Variants in PDE3A observed in about 807,000 individuals in gnomAD.
PDE3A encodes the protein phosphodiesterase 3A, also known as cGMP-inhibited 3',5'-cyclic phosphodiesterase 3A.
Under a neutral mutation model 98.3 loss-of-function variants are expected in PDE3A, and 43 were observed. That is an observed-to-expected ratio of 0.44 (90% CI 0.34 to 0.56). The LOEUF (loss-of-function observed/expected upper bound fraction) is 0.56, where lower values mean the gene tolerates loss of function less well. PDE3A is among the 20% of genes least tolerant of loss of function. The pLI is 0.01. For synonymous variants in PDE3A, 663 were observed against 567.9 expected (o/e 1.17, Z -2.38); for missense variants, 1,427 against 1,440.7 (o/e 0.99, Z 0.15).
At chr12:20,473,246 G>A (rs1185709668) in intron 1 of PDE3A, among the ~76,000 whole-genome samples, 1 of 152,160 alleles carries the variant, frequency 6.6e-6, no homozygotes, top group Non-Finnish European at 1.5e-5. Context: ...CACTGAAAGA[G>A]ACATGTATCT....
chr12:20,377,464 C>G (rs2120524692), intron 1 of PDE3A, among the ~76,000 whole-genome samples: 1 of 151,792 alleles, frequency 6.6e-6, no homozygotes, highest in South Asian at 2.1e-4. Context: ...TTCAGTTTGG[C>G]CTAGCCCCAT....
At chr12:20,631,715 T>G (rs942412572) in intron 6 of PDE3A, among the ~76,000 whole-genome samples, 37 of 151,770 alleles carry the variant, frequency 2.4e-4, no homozygotes, top group East Asian at 1.5e-3. Flanking sequence ...TTTTTTTTTT[T>G]TGTATTCTTA....
chr12:20,621,234 C>T (rs940675211), intron 4 of PDE3A, 62 bp from the exon 5 acceptor site: 76 of 914,440 alleles, frequency 8.3e-5, no homozygotes, highest in Middle Eastern at 2.1e-4. Flanking sequence ...GCAAGACTGG[C>T]CCAATAACTG....
chr12:20,640,634 T>C (rs1318685342), intron 10 of PDE3A, among the ~76,000 whole-genome samples: 2 of 152,158 alleles, frequency 1.3e-5, no homozygotes, highest in Non-Finnish European at 2.9e-5. Flanking sequence ...AAGTTTCCCA[T>C]TTATAACAAC....
rs1250952820 is a variant in PDE3A at position 20,616,351 on chromosome 12, C to A, written c.1391C>A (p.Thr464Asn). The A allele has an allele frequency of 1.2e-6, 2 of 1,613,550 alleles. No individual in the cohort carries two copies. Among genetic ancestry groups the A allele is most frequent in the South Asian group, 1.1e-5 (1 of 91,016 alleles). The change falls in exon 4 of 16, where the codon ACC (threonine) becomes AAC (asparagine). Residue 464 changes from threonine to asparagine, a missense_variant. Physicochemically the swap from Thr to Asn is moderately conservative, Grantham distance 65. Coordinates refer to ENST00000359062, the MANE Select transcript of PDE3A (RefSeq NM_000921.5). ...EPAPVRRDRS[T>N]SIKLQEAPSS... The stretch of plus-strand genomic sequence containing the variant: ...GCACCAGTACGGAGAGACCGCAGCA[C>A]CAGCATCAAACTGCAGGAAGCACCT...
chr12:20,559,045 G>A (rs1214807125), intron 2 of PDE3A, among the ~76,000 whole-genome samples: 1 of 152,086 alleles, frequency 6.6e-6, no homozygotes, highest in Non-Finnish European at 1.5e-5. Context: ...TCACATATAA[G>A]GCAATCTGAT....
intron 1 of PDE3A, among the ~76,000 whole-genome samples, chr12:20,437,584 G>A (rs570356733): frequency 6.6e-6 from 1 of 152,214 alleles, no homozygotes; most frequent in South Asian, 2.1e-4. Context: ...GTCACATGGC[G>A]AGAAAGGGAG....
intron 1 of PDE3A, among the ~76,000 whole-genome samples, chr12:20,504,126 T>C (rs1362110599): frequency 6.6e-6 from 1 of 152,162 alleles, no homozygotes; most frequent in Non-Finnish European, 1.5e-5. Context: ...ATTATAGTTT[T>C]CTCATTTGTA....
intron 12 of PDE3A, among the ~76,000 whole-genome samples, chr12:20,647,970 G>A (rs1183508107): frequency 1.3e-5 from 2 of 151,194 alleles, no homozygotes; most frequent in East Asian, 1.9e-4. Flanking sequence ...TTCTCCATAG[G>A]CTATCTTGCA....
intron 15 of PDE3A, among the ~76,000 whole-genome samples, chr12:20,677,661 A>G (rs958476551): frequency 4.6e-5 from 7 of 152,006 alleles, no homozygotes; most frequent in Admixed American, 6.5e-5. Flanking sequence ...GGGTTTTACC[A>G]TGTTAGCCAG....
intron 15 of PDE3A, among the ~76,000 whole-genome samples, chr12:20,671,672 A>T (rs1320815641): frequency 1.3e-5 from 2 of 149,684 alleles, no homozygotes. Context: ...AAAACTCTCA[A>T]TAAATTAGGT....
rs1247896033 is a variant in PDE3A at position 20,673,358 on chromosome 12, C to T, written c.3185-6672C>T. 2.7e-5 allele frequency among the ~76,000 whole-genome samples: 4 copies of T among 146,556 alleles called. No individual in the cohort carries two copies. The South Asian group carries it at 9.2e-4, about 34-fold the overall frequency. On this transcript the variant is annotated intron_variant, in intron 15 of 15. Coordinates refer to ENST00000359062, the MANE Select transcript of PDE3A (RefSeq NM_000921.5). The stretch of plus-strand genomic sequence containing the variant: ...AGCCATCCCATTACTGGGTATATAC[C>T]CAAAGGACTATAAATCATGCTGCTA...
At chr12:20,491,128 A>G (rs957874945) in intron 1 of PDE3A, among the ~76,000 whole-genome samples, 8 of 152,196 alleles carry the variant, frequency 5.3e-5, no homozygotes, top group African/African-American at 1.7e-4. Flanking sequence ...TTTTCAGTCC[A>G]AGAAGATCAA....
intron 15 of PDE3A, among the ~76,000 whole-genome samples, chr12:20,674,208 A>T (rs1945572979): frequency 6.6e-6 from 1 of 152,054 alleles, no homozygotes; most frequent in Non-Finnish European, 1.5e-5. Context: ...CAGATCTAAG[A>T]GTTTTTTGAT....
chr12:20,669,632 T>C (rs977417820), intron 15 of PDE3A, among the ~76,000 whole-genome samples: 10 of 151,972 alleles, frequency 6.6e-5, no homozygotes, highest in African/African-American at 2.4e-4. Flanking sequence ...TAAAATACTT[T>C]ACAGACAAGC....
At chr12:20,607,208 G>T (rs560576936) in intron 2 of PDE3A, among the ~76,000 whole-genome samples, 1 of 152,204 alleles carries the variant, frequency 6.6e-6, no homozygotes, top group Non-Finnish European at 1.5e-5. Context: ...GGAGGCCAAG[G>T]TGGGAGGATT....
intron 1 of PDE3A, chr12:20,551,903 C>A (rs1023262678): frequency 9.3e-6 from 15 of 1,613,450 alleles, no homozygotes; most frequent in Non-Finnish European, 1.3e-5. Context: ...CCGGGGATCC[C>A]CGTGGGCACC....
chr12:20,620,458 T>C (rs1295033437), intron 4 of PDE3A, among the ~76,000 whole-genome samples: 1 of 152,062 alleles, frequency 6.6e-6, no homozygotes, highest in Non-Finnish European at 1.5e-5. Flanking sequence ...CTCTCCCACA[T>C]TAGGATGGAG....
intron 2 of PDE3A, among the ~76,000 whole-genome samples, chr12:20,580,014 C>T (rs570132756): frequency 6.6e-6 from 1 of 152,214 alleles, no homozygotes; most frequent in East Asian, 1.9e-4. Context: ...TTGGGATGTA[C>T]AAATGAGACC....
Sources: allele counts gnomAD v4.1 joint callset (sites outside exome capture counted in the v4.1 genomes callset), GRCh38; gene constraint gnomAD v4.1.1; transcripts MANE v1.5; gene names NCBI Gene and HGNC (gene_info 2026-07-23, HGNC 2026-07-21).